LARGE1: variants seen among roughly 807,000 people sequenced by gnomAD.
LARGE1 encodes the protein xylosyl- and glucuronyltransferase LARGE1.
In LARGE1, 43 loss-of-function variants were observed where a neutral mutation model predicts 87.6. The ratio of observed to expected loss-of-function variants is 0.49; its 90% CI spans 0.38 to 0.63. LARGE1 has a LOEUF of 0.63. Among genes scored for constraint, LARGE1 ranks in the 30% least tolerant of loss-of-function variants. The pLI is 0.00. For synonymous variants in LARGE1, 434 were observed against 394.6 expected (o/e 1.10, Z -1.18); for missense variants, 802 against 1,000.2 (o/e 0.80, Z 2.67).
chr22:33,789,416 T>C (rs764630249), intron 1 of LARGE1, among the ~76,000 whole-genome samples: 29 of 152,070 alleles, frequency 1.9e-4, no homozygotes, highest in Non-Finnish European at 2.9e-5. Flanking sequence ...GCTAGGACAG[T>C]GTGGAATGGA....
chr22:33,263,494 C>T (rs1927758035), intron 11 of LARGE1, among the ~76,000 whole-genome samples: 1 of 152,192 alleles, frequency 6.6e-6, no homozygotes, highest in Admixed American at 6.5e-5. Flanking sequence ...GAGAAAAGTC[C>T]TGGGTCAATA....
intron 5 of LARGE1, among the ~76,000 whole-genome samples, chr22:33,584,699 C>T (rs2078619285): frequency 6.6e-6 from 1 of 151,644 alleles, no homozygotes; most frequent in South Asian, 2.1e-4. Flanking sequence ...GAAAACTCAG[C>T]TGGCAGTCCA....
At chr22:33,347,998 C>A (rs1939948911) in intron 9 of LARGE1, among the ~76,000 whole-genome samples, 1 of 152,090 alleles carries the variant, frequency 6.6e-6, no homozygotes, top group African/African-American at 2.4e-5. Context: ...GAGTAAGAAA[C>A]AAGATTTTAA....
chr22:33,177,620 A>G (rs965816071), intron 11 of LARGE1, among the ~76,000 whole-genome samples: 1 of 152,218 alleles, frequency 6.6e-6, no homozygotes, highest in Non-Finnish European at 1.5e-5. Flanking sequence ...AGAAAAAAAA[A>G]TCTCAGTCTA....
At chr22:33,138,406 C>T in the LARGE1 span, among the ~76,000 whole-genome samples, 1 of 152,092 alleles carries the variant, frequency 6.6e-6, no homozygotes, top group South Asian at 2.1e-4. Context: ...AAGGGACTTG[C>T]CTTGTCTCGG....
intron 1 of LARGE1, among the ~76,000 whole-genome samples, chr22:33,869,212 G>A (rs1260540360): frequency 1.3e-5 from 2 of 152,016 alleles, no homozygotes; most frequent in African/African-American, 4.8e-5. Flanking sequence ...TCCTCCTCTT[G>A]TCTGTCGGTT....
At chr22:33,512,177 A>G (rs1302155013) in intron 6 of LARGE1, among the ~76,000 whole-genome samples, 1 of 152,260 alleles carries the variant, frequency 6.6e-6, no homozygotes, top group Non-Finnish European at 1.5e-5. Context: ...TTGTAGATTA[A>G]GAGAATTCAA....
chr22:33,379,869 C>T (rs76170106), intron 9 of LARGE1, among the ~76,000 whole-genome samples: 1 of 152,238 alleles, frequency 6.6e-6, no homozygotes, highest in Non-Finnish European at 1.5e-5. Context: ...GGCTCATATA[C>T]ACAATAAAAG....
At chr22:33,112,120 G>T in the LARGE1 span, among the ~76,000 whole-genome samples, 1 of 152,234 alleles carries the variant, frequency 6.6e-6, no homozygotes, top group Admixed American at 6.5e-5. Context: ...ACTTTACTGT[G>T]CCTGTGTAGA....
At chr22:33,842,545 C>T (rs1206888867) in intron 1 of LARGE1, among the ~76,000 whole-genome samples, 1 of 152,174 alleles carries the variant, frequency 6.6e-6, no homozygotes, top group East Asian at 1.9e-4. Flanking sequence ...CCCTGAGCAG[C>T]CAGTACAGGC....
At chr22:33,418,893 T>C (rs2066594430) in intron 7 of LARGE1, among the ~76,000 whole-genome samples, 1 of 152,012 alleles carries the variant, frequency 6.6e-6, no homozygotes, top group South Asian at 2.1e-4. Flanking sequence ...GGTTCCAAAG[T>C]GTGTTAGTAC....
At chr22:33,459,953 G>A (rs1362401391) in intron 6 of LARGE1, among the ~76,000 whole-genome samples, 2 of 152,212 alleles carry the variant, frequency 1.3e-5, no homozygotes, top group Non-Finnish European at 2.9e-5. Flanking sequence ...ATAAGTGGAT[G>A]GGCACTGATA....
At chr22:33,536,173 T>TA (rs1260594357) in intron 6 of LARGE1, among the ~76,000 whole-genome samples, 1 of 152,172 alleles carries the variant, frequency 6.6e-6, no homozygotes, top group East Asian at 1.9e-4. Flanking sequence ...GAGAACAAAT[T>TA]AATGGTAGAG....
intron 6 of LARGE1, among the ~76,000 whole-genome samples, chr22:33,527,755 T>C (rs2071987597): frequency 1.3e-5 from 2 of 151,272 alleles, no homozygotes; most frequent in African/African-American, 4.9e-5. Context: ...CAAACCATAA[T>C]AACAAAAGGA....
intron 2 of LARGE1, among the ~76,000 whole-genome samples, chr22:33,757,440 G>A (rs114086284): frequency 0.02 from 3,074 of 152,176 alleles, 102 homozygotes; most frequent in African/African-American, 0.071. Context: ...ATTTCACGTC[G>A]GAAGAAACGA....
chr22:33,079,386 C>A, the LARGE1 span, among the ~76,000 whole-genome samples: 16 of 151,890 alleles, frequency 1.1e-4, no homozygotes, highest in African/African-American at 3.9e-4. Context: ...CGCCACCACG[C>A]CCGGATAATT....
At chr22:33,547,519 G>A (rs946958898) in intron 6 of LARGE1, among the ~76,000 whole-genome samples, 2 of 152,108 alleles carry the variant, frequency 1.3e-5, no homozygotes, top group African/African-American at 4.8e-5. Context: ...TTAAAAGCAC[G>A]TTCTCATGGC....
At chr22:33,797,150 TGATGGACCCGTGA>T (rs1215148918) in intron 1 of LARGE1, among the ~76,000 whole-genome samples, 1 of 151,950 alleles carries the variant, frequency 6.6e-6, no homozygotes, top group East Asian at 1.9e-4. Flanking sequence ...CAGAAGAGGG[TGATGGACCCGTGA>T]ATGGCTAGGT....
At chr22:33,637,591 T>C (rs1044655855) in intron 3 of LARGE1, among the ~76,000 whole-genome samples, 4 of 99,952 alleles carry the variant, frequency 4.0e-5, no homozygotes, top group Non-Finnish European at 8.2e-5. Flanking sequence ...AAAGTCGTTG[T>C]AGCTTTTTAC....
Sources: gnomAD v4.1 joint callset for allele counts (sites outside exome capture counted in the v4.1 genomes callset) on GRCh38, gnomAD v4.1.1 for gene constraint, MANE v1.5 for transcripts, NCBI Gene and HGNC (gene_info 2026-07-23, HGNC 2026-07-21) for gene names.